RIN2: variants seen among roughly 807,000 people sequenced by gnomAD.
RIN2 encodes Ras and Rab interactor 2, also known as RAB5 interacting protein 2.
Under a neutral mutation model 78.0 loss-of-function variants are expected in RIN2, and 36 were observed. The observed-to-expected ratio is 0.46, with a 90% CI of 0.35 to 0.61. The LOEUF (loss-of-function observed/expected upper bound fraction) is 0.61. Ranked by LOEUF, RIN2 falls within the 20% of genes least tolerant of loss-of-function variation. The pLI is 0.00. For missense variants in RIN2, 1,087 were observed against 1,159.7 expected (o/e 0.94, Z 0.91); for synonymous variants, 466 against 466.8 (o/e 1.00, Z 0.02).
intron 3 of RIN2, among the ~76,000 whole-genome samples, chr20:19,899,605 G>T (rs1024112824): frequency 6.6e-6 from 1 of 152,150 alleles, no homozygotes. Flanking sequence ...GGTGGCCAGG[G>T]TCATAGTCTC....
At chr20:19,829,108 G>A (rs1184959482) in intron 2 of RIN2, among the ~76,000 whole-genome samples, 2 of 152,158 alleles carry the variant, frequency 1.3e-5, no homozygotes, top group East Asian at 1.9e-4. Context: ...ATGCTAAGAG[G>A]CTACTGAAAT....
At chr20:19,801,758 T>C (rs564014011) in intron 2 of RIN2, among the ~76,000 whole-genome samples, 29 of 152,344 alleles carry the variant, frequency 1.9e-4, no homozygotes, top group African/African-American at 6.7e-4. Flanking sequence ...AATAAATGCA[T>C]GTTAAATAAA....
At chr20:19,776,599 GCGGCTGC>G (rs1168792349) in intron 1 of RIN2, among the ~76,000 whole-genome samples, 9 of 152,050 alleles carry the variant, frequency 5.9e-5, no homozygotes, top group African/African-American at 2.2e-4. Flanking sequence ...GGGCATGGTG[GCGGCTGC>G]CTGTAGTCCC....
At chr20:19,854,369 T>G (rs1414689307) in intron 2 of RIN2, among the ~76,000 whole-genome samples, 1 of 152,258 alleles carries the variant, frequency 6.6e-6, no homozygotes, top group Non-Finnish European at 1.5e-5. Flanking sequence ...GCGGGCCCTT[T>G]TTTGGTTCCA....
chr20:19,842,076 T>A (rs1182421406), intron 2 of RIN2, among the ~76,000 whole-genome samples: 1 of 152,234 alleles, frequency 6.6e-6, no homozygotes, highest in African/African-American at 2.4e-5. Flanking sequence ...CAACCTTAAG[T>A]TGAAGCCAAT....
chr20:19,785,950 C>A (rs967371084), intron 1 of RIN2, among the ~76,000 whole-genome samples: 2 of 152,152 alleles, frequency 1.3e-5, no homozygotes, highest in African/African-American at 4.8e-5. Context: ...TCTTCCCTGC[C>A]TCTGTGTGAC....
intron 4 of RIN2, among the ~76,000 whole-genome samples, chr20:19,953,138 AT>A (rs56885040): frequency 0.025 from 3,780 of 151,686 alleles, 99 homozygotes; most frequent in South Asian, 0.092. Context: ...CCCCTGGGGA[AT>A]TTTTTTTTCT....
At chr20:19,918,353 TTGTGTGTGTGTGTGTGTGTG>T (rs3059683) in intron 3 of RIN2, among the ~76,000 whole-genome samples, 3 of 147,110 alleles carry the variant, frequency 2.0e-5, no homozygotes, top group Non-Finnish European at 3.0e-5. Context: ...TACAAATACA[TTGTGTGTGTGTGTGTGTGTG>T]TGTGTGTGTG....
chr20:19,837,173 C>CACAA (rs2036446074), intron 2 of RIN2, among the ~76,000 whole-genome samples: 1 of 57,236 alleles, frequency 1.7e-5, no homozygotes, highest in Non-Finnish European at 4.1e-5. Flanking sequence ...CCCCCCAACA[C>CACAA]ACACACACAC....
At chr20:19,844,612 CTTCTTCTTCTTCTTCT>C in intron 2 of RIN2, among the ~76,000 whole-genome samples, 1 of 58,968 alleles carries the variant, frequency 1.7e-5, no homozygotes, top group Non-Finnish European at 3.7e-5. Flanking sequence ...TCTTCTTCTT[CTTCTTCTTCTTCTTCT>C]TCTTCTTCTT....
intron 3 of RIN2, among the ~76,000 whole-genome samples, chr20:19,898,579 T>G (rs2038843261): frequency 6.6e-6 from 1 of 152,258 alleles, no homozygotes; most frequent in African/African-American, 2.4e-5. Context: ...CAGTCTGTGA[T>G]AAGTTTGCTG....
chr20:19,758,684 CG>C (rs1394686877), intron 1 of RIN2, among the ~76,000 whole-genome samples: 2 of 152,068 alleles, frequency 1.3e-5, no homozygotes, highest in Admixed American at 6.6e-5. Flanking sequence ...TGCGGAGGTG[CG>C]GGTGTGCGTG....
chr20:19,890,896 C>T lies in RIN2; in HGVS notation c.57+1238C>T, dbSNP rs188870537. Among the ~76,000 whole-genome samples, 98 of 152,222 alleles carry T rather than the reference C, an allele frequency of 6.4e-4. 1 individual carries two copies. In the South Asian group the frequency reaches 0.014, roughly 22 times the overall value. ...TGGAGAACTAATTTGATTTCAGTGACGTCTATGCCACAATAGCTTGGGACT... is the reference window on the plus strand; with the variant it reads ...TGGAGAACTAATTTGATTTCAGTGATGTCTATGCCACAATAGCTTGGGACT... On this transcript the variant is annotated intron_variant, in intron 3 of 12. Coordinates refer to ENST00000255006, the MANE Select transcript of RIN2 (RefSeq NM_018993.4).
chr20:19,974,579 C>T (rs2042206923), intron 8 of RIN2, 75 bp from the exon 9 acceptor site: 5 of 1,474,020 alleles, frequency 3.4e-6, no homozygotes, highest in Non-Finnish European at 4.6e-6. Context: ...ATGCAGTGTG[C>T]TTTTTTTAAT....
At chr20:19,894,272 G>A (rs2038617842) in intron 3 of RIN2, among the ~76,000 whole-genome samples, 1 of 151,964 alleles carries the variant, frequency 6.6e-6, no homozygotes, top group Non-Finnish European at 1.5e-5. Flanking sequence ...TTGAATTAGG[G>A]GCAGAGATGC....
In RIN2 at chr20:19,935,163, ACCTGGAAAATGG is replaced by A. The variant is rs780739664; in HGVS notation, c.130_141del (p.Asn44_Glu47del). ...CAGGAGATGGTGCGGACAGATGTCA[ACCTGGAAAATGG>A]CCTGGAACCCGCTGAAACCCACAGG... On this transcript the variant is annotated inframe_deletion, in exon 4 of 13. Coordinates refer to ENST00000255006, the MANE Select transcript of RIN2 (RefSeq NM_018993.4). 1.2e-6 allele frequency: 2 copies of A among 1,604,354 alleles called. No homozygotes were observed. The highest frequency in any genetic ancestry group is 1.7e-6 in the Non-Finnish European group (2 of 1,175,404).
chr20:19,971,004 G>C lies in RIN2; in HGVS notation c.628+75G>C, dbSNP rs923552536. 3 of 1,096,118 alleles carry C rather than the reference G, an allele frequency of 2.7e-6. No individual in the cohort carries two copies. In the African/African-American group the frequency reaches 4.7e-5, roughly 17 times the overall value. The allele number at this position is 1,096,118 out of a possible 1,614,324, so 67.9% of individuals were successfully genotyped here. ...CAGAGTCAATGGTGGGCTCACTGAG[G>C]CTACATTGCTCCGTCAATCTCTCCA... is the stretch of plus-strand genomic sequence containing the variant. On this transcript the variant is annotated intron_variant, in intron 8 of 12. Coordinates refer to ENST00000255006, the MANE Select transcript of RIN2 (RefSeq NM_018993.4).
intron 3 of RIN2, among the ~76,000 whole-genome samples, chr20:19,931,733 C>CA (rs536831983): frequency 4.1e-5 from 5 of 121,766 alleles, no homozygotes; most frequent in African/African-American, 1.7e-4. Flanking sequence ...TTTCTGCTTT[C>CA]AAAAAAAGCC....
intron 1 of RIN2, among the ~76,000 whole-genome samples, chr20:19,765,543 T>C (rs2033847724): frequency 6.6e-6 from 1 of 152,160 alleles, no homozygotes; most frequent in Admixed American, 6.5e-5. Flanking sequence ...CCTAGCAGCC[T>C]AGCAGGGGAT....
Sources: gnomAD v4.1 joint callset for allele counts (sites outside exome capture counted in the v4.1 genomes callset) on GRCh38, gnomAD v4.1.1 for gene constraint, MANE v1.5 for transcripts, NCBI Gene and HGNC (gene_info 2026-07-23, HGNC 2026-07-21) for gene names.